The following TNS1 variants were observed in gnomAD, a reference collection of about 807,000 sequenced individuals.
The protein encoded by TNS1 is tensin 1.
Under a neutral mutation model 168.6 loss-of-function variants are expected in TNS1, and 62 were observed. The observed-to-expected ratio is 0.37, with a 90% CI of 0.30 to 0.45. The LOEUF (loss-of-function observed/expected upper bound fraction) is 0.45. Among genes scored for constraint, TNS1 ranks in the 20% least tolerant of loss-of-function variants. The pLI, the probability that TNS1 is intolerant of heterozygous loss-of-function variation, is 1.00. For synonymous variants in TNS1, 934 were observed against 933.2 expected (o/e 1.00, Z -0.02); for missense variants, 2,240 against 2,339.4 (o/e 0.96, Z 0.88).
chr2:217,814,372 G>C (rs916262574), intron 25 of TNS1, among the ~76,000 whole-genome samples: 1 of 152,160 alleles, frequency 6.6e-6, no homozygotes, highest in African/African-American at 2.4e-5. Flanking sequence ...CGCAGGCCAT[G>C]CAGCCTCTGC....
rs1939540050 is a variant in TNS1, at chr2:217,808,077, A to T, written c.5373T>A (p.Ala1791=). Residue 1791 remains alanine, a splice_region_variant and synonymous_variant, in exon 32 of 33, where the codon GCT becomes GCA. Coordinates refer to ENST00000682258, the MANE Select transcript of TNS1 (RefSeq NM_001387777.1). The stretch of plus-strand genomic sequence containing the variant: ...CAGGGGTAAGAAGTCACACTTACTT[A>T]GCAGGGGCACCACCCTCTGTTTTCA... ...KWMKTEGGAP[A]KLFGFVARKQ... The T allele has an allele frequency of 1.9e-6, 3 of 1,613,164 alleles. No individual in the cohort carries two copies. The highest frequency in any genetic ancestry group is 2.5e-6 in the Non-Finnish European group (3 of 1,180,004).
At chr2:217,837,529 A>G (rs139054982) in intron 19 of TNS1, among the ~76,000 whole-genome samples, 29 of 152,232 alleles carry the variant, frequency 1.9e-4, no homozygotes, top group Admixed American at 1.9e-3. Flanking sequence ...AGGGGCTCCC[A>G]TAATCGGGGG....
chr2:217,932,887 T>C (rs757196036), intron 3 of TNS1, among the ~76,000 whole-genome samples: 1 of 152,220 alleles, frequency 6.6e-6, no homozygotes, highest in Non-Finnish European at 1.5e-5. Context: ...AGTGCAATTA[T>C]TCTGCACAAT....
At chr2:218,013,505 T>G (rs528759498), upstream of TNS1, among the ~76,000 whole-genome samples, 39 of 152,288 alleles carry the variant, frequency 2.6e-4, no homozygotes, top group African/African-American at 9.1e-4. Context: ...GCAGCCCCCA[T>G]GTGGAGGTCC....
chr2:218,003,915 G>T (rs1958620188), upstream of TNS1, among the ~76,000 whole-genome samples: 1 of 151,586 alleles, frequency 6.6e-6, no homozygotes, highest in Non-Finnish European at 1.5e-5. Flanking sequence ...AGGGACAATT[G>T]TTGGGGGTCT....
chr2:218,020,907 C>T (rs986582444), intron 1 of TNS1, among the ~76,000 whole-genome samples: 1 of 152,182 alleles, frequency 6.6e-6, no homozygotes, highest in Non-Finnish European at 1.5e-5. Flanking sequence ...TCGGACGAAG[C>T]AAGTGCAATG....
At chr2:217,944,339 G>A (rs1188034242) in intron 3 of TNS1, among the ~76,000 whole-genome samples, 3 of 152,202 alleles carry the variant, frequency 2.0e-5, no homozygotes, top group African/African-American at 4.8e-5. Context: ...GGGACAGGAC[G>A]GGAAGGGCCA....
At chr2:217,806,854 C>CATGG (rs1174808918) in intron 32 of TNS1, among the ~76,000 whole-genome samples, 1 of 152,264 alleles carries the variant, frequency 6.6e-6, no homozygotes, top group African/African-American at 2.4e-5. Context: ...ATGTGTCAGA[C>CATGG]ATGGCCCTTC....
At chr2:217,924,318 AC>A (rs1559364449) in intron 3 of TNS1, among the ~76,000 whole-genome samples, 1 of 151,792 alleles carries the variant, frequency 6.6e-6, no homozygotes, top group Non-Finnish European at 1.5e-5. Context: ...TCTCTCTCAC[AC>A]ACACACACAC....
At chr2:217,914,398 C>T (rs1188370752) in intron 4 of TNS1, among the ~76,000 whole-genome samples, 2 of 152,212 alleles carry the variant, frequency 1.3e-5, no homozygotes, top group Non-Finnish European at 2.9e-5. Flanking sequence ...ATGACAGGAC[C>T]TCAGTGAGCC....
At chr2:217,872,440 T>C (rs1476176344) in intron 18 of TNS1, among the ~76,000 whole-genome samples, 1 of 152,216 alleles carries the variant, frequency 6.6e-6, no homozygotes, top group Non-Finnish European at 1.5e-5. Context: ...TAATGGCCAA[T>C]TAACACATGA....
At chr2:217,869,153 G>A (rs1200405165) in intron 18 of TNS1, among the ~76,000 whole-genome samples, 2 of 152,220 alleles carry the variant, frequency 1.3e-5, no homozygotes, top group Admixed American at 6.5e-5. Flanking sequence ...GACTCAGAGA[G>A]TGGACCAAGA....
chr2:217,941,714 C>T (rs1956920505), intron 3 of TNS1, among the ~76,000 whole-genome samples: 2 of 152,156 alleles, frequency 1.3e-5, no homozygotes, highest in Non-Finnish European at 2.9e-5. Context: ...CTTCCAAGCC[C>T]TTATTCGGCC....
chr2:217,967,880 A>G (rs1384721757), intron 3 of TNS1, among the ~76,000 whole-genome samples: 1 of 152,248 alleles, frequency 6.6e-6, no homozygotes, highest in Non-Finnish European at 1.5e-5. Context: ...TCTTTCGAAT[A>G]TAGATGTAAA....
chr2:217,818,059 C>T lies in TNS1; in HGVS notation c.4273G>A (p.Val1425Met). Reference sequence around the variant, plus strand: ...GGGGTAGAATAGCCACCATAGGCCACATGCCGGTCCAAGCAGGGGCTGCCG... The same window carrying T: ...GGGGTAGAATAGCCACCATAGGCCATATGCCGGTCCAAGCAGGGGCTGCCG... ...VPGSPCLDRH[V>M]AYGGYSTPED... The change falls in exon 24 of 33, where the codon GTG becomes ATG. Residue 1425 changes from valine to methionine, a missense_variant. This residue lies in a region of TNS1 where 2,131 missense variants were observed against 2,171.2 expected (regional missense o/e 0.98). Transcript: ENST00000682258. 2.5e-6 allele frequency: 4 copies of T among 1,610,400 alleles called. No homozygotes were observed. The highest frequency in any genetic ancestry group is 3.4e-6 in the Non-Finnish European group (4 of 1,178,298).
chr2:217,857,784 C>A (rs566332807), intron 18 of TNS1, among the ~76,000 whole-genome samples: 52 of 152,310 alleles, frequency 3.4e-4, no homozygotes, highest in Non-Finnish European at 6.8e-4. Context: ...GTGTTCCCCC[C>A]AGCCTGAAGC....
Position 217,818,105 on chromosome 2 carries a change from T to C in TNS1, c.4227A>G (p.Gly1409=), listed in dbSNP as rs1471547553. 2 of 1,613,764 alleles carry C rather than the reference T, an allele frequency of 1.2e-6. No homozygotes were observed. Among genetic ancestry groups the C allele is most frequent in the African/African-American group, 2.7e-5 (2 of 74,944 alleles). ...PGSPSLGRHL[G]GSGSVVPGSP... is the part of the protein sequence containing the mutation. ...TGCCGGGAACCACAGATCCAGACCC[T>C]CCGAGGTGACGGCCCAGGCTGGGGC... is the stretch of plus-strand genomic sequence containing the variant. The change falls in exon 24 of 33, where the codon GGA becomes GGG. Residue 1409 remains glycine, a synonymous_variant. Coordinates refer to ENST00000682258, the MANE Select transcript of TNS1 (RefSeq NM_001387777.1).
upstream of TNS1, among the ~76,000 whole-genome samples, chr2:218,006,691 T>C (rs1437953737): frequency 6.6e-6 from 1 of 152,044 alleles, no homozygotes; most frequent in Non-Finnish European, 1.5e-5. Context: ...ACTCCTTGGT[T>C]CCCCACTACA....
At chr2:218,006,202 C>G (rs1487016534), upstream of TNS1, among the ~76,000 whole-genome samples, 4 of 152,250 alleles carry the variant, frequency 2.6e-5, no homozygotes, top group Non-Finnish European at 5.9e-5. Flanking sequence ...GGCCCTGGGG[C>G]TGGAGGAGGG....
Sources: gnomAD v4.1 joint callset for allele counts (sites outside exome capture counted in the v4.1 genomes callset) on GRCh38, gnomAD v4.1.1 for gene constraint, gnomAD v4.1.1 regional missense constraint, MANE v1.5 for transcripts, NCBI Gene and HGNC (gene_info 2026-07-23, HGNC 2026-07-21) for gene names.